BABAM2: variants seen among roughly 807,000 people sequenced by gnomAD.
BABAM2 encodes the protein BRISC and BRCA1 A complex member 2.
In BABAM2, 31 loss-of-function variants were observed where a neutral mutation model predicts 54.7. The ratio of observed to expected loss-of-function variants is 0.57; its 90% CI spans 0.43 to 0.77. The LOEUF (loss-of-function observed/expected upper bound fraction) is 0.77, where lower values mean the gene tolerates loss of function less well. Among genes scored for constraint, BABAM2 ranks in the 30% least tolerant of loss-of-function variants. BABAM2 has a pLI of 0.00. For synonymous variants in BABAM2, 167 were observed against 162.9 expected, an observed-to-expected ratio of 1.03 and a Z score of -0.19; for missense variants, 364 against 455.8, an observed-to-expected ratio of 0.80 and a Z score of 1.83.
At chr2:28,190,485 G>A (rs1005283379) in intron 7 of BABAM2, among the ~76,000 whole-genome samples, 1 of 152,146 alleles carries the variant, frequency 6.6e-6, no homozygotes, top group East Asian at 1.9e-4. Flanking sequence ...TTGGGAGTTC[G>A]AGACCAGCCT....
intron 3 of BABAM2, among the ~76,000 whole-genome samples, chr2:27,953,785 T>C (rs1178127651): frequency 2.6e-5 from 4 of 152,162 alleles, no homozygotes; most frequent in African/African-American, 9.7e-5. Context: ...ATGAAAAATA[T>C]GGCAAAATAA....
chr2:28,317,234 G>A (rs775652653), intron 11 of BABAM2, among the ~76,000 whole-genome samples: 5 of 152,118 alleles, frequency 3.3e-5, no homozygotes, highest in South Asian at 2.1e-4. Flanking sequence ...AGCGTCCTGC[G>A]GTTGAGATGG....
At position 27,959,262 on chromosome 2, in the gene BABAM2, A is replaced by T. The variant is rs187216551; in HGVS notation, c.206-28731A>T. Among the ~76,000 whole-genome samples, 3 of 152,332 alleles carry T rather than the reference A, an allele frequency of 2.0e-5. No individual in the cohort carries two copies. The East Asian group carries it at 5.8e-4, about 29-fold the overall frequency. On this transcript the variant is annotated intron_variant, in intron 3 of 11. Coordinates refer to ENST00000379624, the MANE Select transcript of BABAM2 (RefSeq NM_199191.3). ...TAAATATGGTCCTAAGAGCCTAGGA[A>T]TCCTGCAAGTTTTAGACAGACAGTT... is the stretch of plus-strand genomic sequence containing the variant.
At chr2:27,902,018 G>A (rs775794608) in intron 2 of BABAM2, among the ~76,000 whole-genome samples, 18 of 152,074 alleles carry the variant, frequency 1.2e-4, no homozygotes, top group East Asian at 1.9e-4. Flanking sequence ...TCTTTCCTTT[G>A]TGCTGATATT....
At chr2:28,026,926 A>ATATATT (rs1558667814) in intron 5 of BABAM2, among the ~76,000 whole-genome samples, 1 of 76,514 alleles carries the variant, frequency 1.3e-5, no homozygotes, top group Non-Finnish European at 2.2e-5. Context: ...TAATATATAT[A>ATATATT]AATATATATA....
intron 2 of BABAM2, among the ~76,000 whole-genome samples, chr2:27,922,075 A>G (rs1027605787): frequency 1.3e-5 from 2 of 152,214 alleles, no homozygotes; most frequent in African/African-American, 2.4e-5. Context: ...TGCCTAGGCC[A>G]TGGAGACTAA....
chr2:28,192,708 G>C (rs911020551), intron 7 of BABAM2, among the ~76,000 whole-genome samples: 11 of 151,250 alleles, frequency 7.3e-5, no homozygotes, highest in Non-Finnish European at 1.5e-5. Flanking sequence ...AATTTTAGTA[G>C]AGATGGGGTT....
intron 7 of BABAM2, among the ~76,000 whole-genome samples, chr2:28,213,947 A>T (rs1462967505): frequency 1.3e-4 from 1 of 7,624 alleles, no homozygotes; most frequent in Non-Finnish European, 4.7e-4. Context: ...AACTTGCTTT[A>T]AAAAAAAAAA....
chr2:28,268,020 C>T lies in BABAM2; in HGVS notation c.934+23158C>T, dbSNP rs150091225. Reference sequence around the variant, plus strand: ...AAACTGTATCTATACACAATAAAGACGAAATCTTAGAACCCTAATATTGAC... The same window carrying T: ...AAACTGTATCTATACACAATAAAGATGAAATCTTAGAACCCTAATATTGAC... On this transcript the variant is annotated intron_variant, in intron 10 of 11. Transcript: ENST00000379624. 3.4e-4 allele frequency among the ~76,000 whole-genome samples: 51 copies of T among 152,232 alleles called. No individual in the cohort carries two copies. The East Asian group carries it at 6.9e-3, about 21-fold the overall frequency.
chr2:28,287,256 A>G (rs1018373298), intron 10 of BABAM2, among the ~76,000 whole-genome samples: 7 of 152,234 alleles, frequency 4.6e-5, no homozygotes, highest in Non-Finnish European at 8.8e-5. Context: ...TTATTTAAGG[A>G]TTCTTTTAAT....
rs139934824 is a variant in BABAM2 at position 28,194,362 on chromosome 2, G to C, written c.681-42840G>C. 6.4e-3 allele frequency among the ~76,000 whole-genome samples: 975 copies of C among 152,190 alleles called. 9 individuals are homozygous for C. Among genetic ancestry groups the C allele is most frequent in the African/African-American group, 0.022 (924 of 41,514 alleles). ...AGTTCCTTGTGAAGCCGTGTTGGTG[G>C]TCAAGATTAAGAAGGTTGCTGACCT... On this transcript the variant is annotated intron_variant, in intron 7 of 11. Transcript: ENST00000379624.
At chr2:28,047,942 G>A (rs1677718554) in intron 6 of BABAM2, among the ~76,000 whole-genome samples, 2 of 152,208 alleles carry the variant, frequency 1.3e-5, no homozygotes, top group Admixed American at 1.3e-4. Context: ...TCCTAAAGTT[G>A]TTGTAACATG....
intron 3 of BABAM2, among the ~76,000 whole-genome samples, chr2:27,944,722 A>G (rs1669171981): frequency 6.6e-6 from 1 of 151,774 alleles, no homozygotes; most frequent in African/African-American, 2.4e-5. Context: ...GATGTGTTTT[A>G]ATTTTTATTG....
chr2:28,113,583 T>A (rs1180443896), intron 6 of BABAM2, among the ~76,000 whole-genome samples: 1 of 152,202 alleles, frequency 6.6e-6, no homozygotes, highest in East Asian at 1.9e-4. Context: ...TCAGGTAGCG[T>A]GATGCCTCCA....
chr2:28,245,460 G>A (rs111439355), intron 10 of BABAM2, among the ~76,000 whole-genome samples: 8 of 152,294 alleles, frequency 5.3e-5, no homozygotes, highest in African/African-American at 1.4e-4. Context: ...GTTCTTCTGC[G>A]TAGTAGGCAT....
At chr2:27,960,482 G>A (rs891586911) in intron 3 of BABAM2, among the ~76,000 whole-genome samples, 8 of 151,928 alleles carry the variant, frequency 5.3e-5, no homozygotes, top group Non-Finnish European at 1.2e-4. Context: ...CTAGCATTCT[G>A]TGGTTATTTC....
At chr2:28,234,202 C>T (rs1011300017) in intron 7 of BABAM2, among the ~76,000 whole-genome samples, 1 of 152,054 alleles carries the variant, frequency 6.6e-6, no homozygotes, top group African/African-American at 2.4e-5. Flanking sequence ...TCGTTTTTTT[C>T]ACATGTAAAA....
intron 6 of BABAM2, among the ~76,000 whole-genome samples, chr2:28,088,258 A>G (rs1389783648): frequency 6.6e-6 from 1 of 152,132 alleles, no homozygotes; most frequent in African/African-American, 2.4e-5. Flanking sequence ...ATAATTAATC[A>G]CTAGTACTTA....
At chr2:27,992,137 T>TA (rs1356045848) in intron 4 of BABAM2, among the ~76,000 whole-genome samples, 3 of 152,220 alleles carry the variant, frequency 2.0e-5, no homozygotes, top group African/African-American at 7.2e-5. Context: ...TGGCTGGTGA[T>TA]ACTGAGCATC....
Sources: gnomAD v4.1 joint callset for allele counts (sites outside exome capture counted in the v4.1 genomes callset) on GRCh38, gnomAD v4.1.1 for gene constraint, MANE v1.5 for transcripts, NCBI Gene and HGNC (gene_info 2026-07-23, HGNC 2026-07-21) for gene names.